The following GSN variants were observed in gnomAD, a reference collection of about 807,000 sequenced individuals.
GSN encodes gelsolin.
Under a neutral mutation model 85.7 loss-of-function variants are expected in GSN, and 56 were observed. The ratio of observed to expected loss-of-function variants is 0.65; its 90% CI spans 0.53 to 0.82. GSN has a LOEUF of 0.82. Among genes scored for constraint, GSN ranks in the 40% least tolerant of loss-of-function variants. GSN has a pLI of 0.00. For synonymous variants in GSN, 373 were observed against 399.1 expected, an observed-to-expected ratio of 0.93 and a Z score of 0.78; for missense variants, 857 against 979.8, an observed-to-expected ratio of 0.87 and a Z score of 1.67.
Position 121,310,862 on chromosome 9 carries a change from T to C in GSN, c.513+17T>C, listed in dbSNP as rs754914471. ...CTGGGCAACGTGAGTCCTGCTTTCC[T>C]CTTTCCCAGGAGCCACTGAGGTGCT... On this transcript the variant is annotated intron_variant, in intron 5 of 17. Coordinates refer to ENST00000432226, the MANE Select transcript of GSN (RefSeq NM_198252.3). 5.0e-6 allele frequency: 8 copies of C among 1,613,118 alleles called. No homozygotes were observed. The highest frequency in any genetic ancestry group is 1.7e-5 in the Admixed American group (1 of 59,972).
At chr9:121,251,701 G>A (rs556797994) in intron 6 of GSN, among the ~76,000 whole-genome samples, 95 of 152,202 alleles carry the variant, frequency 6.2e-4, no homozygotes, top group African/African-American at 2.1e-3. Context: ...GCTCACACCT[G>A]TAATCCCAGC....
At chr9:121,309,262 C>T (rs1304582365) in intron 4 of GSN, 1 of 152,230 alleles carries the variant, frequency 6.6e-6, no homozygotes, top group East Asian at 1.9e-4. Flanking sequence ...CACAGGAAAG[C>T]CCAGCTGACT....
Position 121,329,035 on chromosome 9 carries a change from A to C in GSN, c.1887+20A>C. On this transcript the variant is annotated intron_variant, in intron 15 of 17. Coordinates refer to ENST00000432226, the MANE Select transcript of GSN (RefSeq NM_198252.3). This position sits in a 1 kb window ranked among gnomAD's most constrained non-coding sequence, Gnocchi z 4.6. Reference sequence around the variant, plus strand: ...TTTGTGGTGAGCCCCTGCGGAGGTCACACCTCTGCTTTCCCCTCGGGAGGC... The same window carrying C: ...TTTGTGGTGAGCCCCTGCGGAGGTCCCACCTCTGCTTTCCCCTCGGGAGGC... The C allele has an allele frequency of 6.2e-7, 1 of 1,612,808 alleles. No homozygotes were observed. The highest frequency in any genetic ancestry group is 8.5e-7 in the Non-Finnish European group (1 of 1,179,708).
intron 5 of GSN, among the ~76,000 whole-genome samples, chr9:121,247,670 C>A (rs78482925): frequency 7.9e-4 from 120 of 152,288 alleles, no homozygotes; most frequent in Non-Finnish European, 1.5e-3. Context: ...TCATTTGAAT[C>A]AGGAGGAAAA....
intron 4 of GSN, 27 bp from the exon 5 acceptor site, chr9:121,310,657 G>T (rs2133428297): frequency 3.7e-6 from 6 of 1,613,028 alleles, no homozygotes; most frequent in East Asian, 4.5e-5. Context: ...TCTCCCCTGG[G>T]CTAATGCTGT....
intron 6 of GSN, among the ~76,000 whole-genome samples, chr9:121,251,354 A>G (rs186744354): frequency 6.6e-6 from 1 of 150,536 alleles, no homozygotes; most frequent in Admixed American, 6.6e-5. Context: ...GCTAATTTTT[A>G]ATTTTTAATT....
chr9:121,218,031 C>G (rs925194838), intron 4 of GSN, among the ~76,000 whole-genome samples: 1 of 151,980 alleles, frequency 6.6e-6, no homozygotes, highest in African/African-American at 2.4e-5. Context: ...CTTATTCATT[C>G]TTTTTATGTA....
chr9:121,303,605 G>T (rs1275372849), intron 4 of GSN, among the ~76,000 whole-genome samples: 2 of 151,988 alleles, frequency 1.3e-5, no homozygotes, highest in African/African-American at 4.8e-5. Flanking sequence ...GGCCAAACTG[G>T]GAGCTCCAAG....
intron 5 of GSN, chr9:121,239,786 T>A (rs1007518250): frequency 3.9e-6 from 1 of 257,202 alleles, no homozygotes; most frequent in African/African-American, 2.3e-5. Context: ...ATATCCCCAG[T>A]CCCTTGAAAT....
At chr9:121,237,612 C>T (rs368569417) in intron 5 of GSN, among the ~76,000 whole-genome samples, 13 of 152,260 alleles carry the variant, frequency 8.5e-5, no homozygotes, top group African/African-American at 3.1e-4. Flanking sequence ...TTGCTTAGAG[C>T]AGCAGCACAG....
chr9:121,328,770 G>A, intron 14 of GSN, 121 bp from the exon 15 acceptor site: 2 of 1,049,562 alleles, frequency 1.9e-6, no homozygotes, highest in Non-Finnish European at 2.9e-6. Flanking sequence ...GGATTTTTAG[G>A]ATGGAGGGAG....
At chr9:121,251,588 A>G (rs2054837476) in intron 6 of GSN, among the ~76,000 whole-genome samples, 1 of 152,144 alleles carries the variant, frequency 6.6e-6, no homozygotes, top group Non-Finnish European at 1.5e-5. Flanking sequence ...TATCACCTCT[A>G]AACATTGAAA....
chr9:121,315,525 A>T (rs554823388), intron 7 of GSN, among the ~76,000 whole-genome samples: 148 of 152,194 alleles, frequency 9.7e-4, no homozygotes, highest in African/African-American at 3.4e-3. Flanking sequence ...GCACTTTGAG[A>T]GGCCGAGGTA....
intron 5 of GSN, chr9:121,311,521 C>T (rs2061141213): frequency 6.4e-6 from 1 of 155,742 alleles, no homozygotes; most frequent in South Asian, 2.0e-4. Flanking sequence ...GAGTGTACAG[C>T]TTGATGGATT....
Position 121,329,167 on chromosome 9 carries a change from A to AG in GSN, c.1888-66dup, listed in dbSNP as rs2063604938. 2.1e-6 allele frequency: 3 copies of AG among 1,459,178 alleles called. No individual in the cohort carries two copies. The highest frequency in any genetic ancestry group is 1.7e-4 in the Middle Eastern group (1 of 5,786). 90.4% of individuals were successfully genotyped at this position (1,459,178 alleles called of 1,614,324 possible). A position where few individuals can be genotyped will look rare whatever the true frequency, so the allele number is the denominator to read the frequency against. ...CTGCAGCCAGCTGTGCCACTCCCTC[A>AG]GGGGGCAGATAAAGGAAGGCCACCC... is the stretch of plus-strand genomic sequence containing the variant. On this transcript the variant is annotated intron_variant, in intron 15 of 17. Transcript: ENST00000432226. The surrounding 1 kb of genome is among the most constrained non-coding windows in gnomAD (Gnocchi z 4.6).
chr9:121,282,677 A>G, intron 2 of GSN: 1 of 441,780 alleles, frequency 2.3e-6, no homozygotes, highest in Non-Finnish European at 4.0e-6. Flanking sequence ...GCTGACAAAG[A>G]GGTAGCCCTA....
Position 121,318,779 on chromosome 9 carries a change from G to C in GSN, c.1090G>C (p.Ala364Pro). Residue 364 changes from alanine (A) to proline (P), a missense_variant, in exon 10 of 18, where the codon GCC becomes CCC. Transcript: ENST00000432226. This position sits in a 1 kb window ranked among gnomAD's most constrained non-coding sequence, Gnocchi z 4.3. ...LGLSYLSSHI[A>P]NVERVPFDAA... Reference sequence around the variant, plus strand: ...CTTGTCCTACCTTTCCAGCCATATCGCCAACGTGGAGCGGGTGCCCTTCGA... The same window carrying C: ...CTTGTCCTACCTTTCCAGCCATATCCCCAACGTGGAGCGGGTGCCCTTCGA... 1 of 1,614,050 alleles carries C rather than the reference G, an allele frequency of 6.2e-7. No individual in the cohort carries two copies. The highest frequency in any genetic ancestry group is 8.5e-7 in the Non-Finnish European group (1 of 1,179,982).
intron 4 of GSN, among the ~76,000 whole-genome samples, chr9:121,225,844 G>A (rs546844437): frequency 6.6e-5 from 10 of 152,250 alleles, no homozygotes; most frequent in South Asian, 2.1e-4. Flanking sequence ...TCACTCTGCT[G>A]CCCAGGCTGG....
rs758473284 is a variant in GSN, at chr9:121,327,493, G to A, written c.1762+11G>A. ...AAGGCAGCGAGCCAGGTAGGAGCCG[G>A]GGTGGGGGGCCTGCTGCTGTCCGGA... is the stretch of plus-strand genomic sequence containing the variant. On this transcript the variant is annotated intron_variant, in intron 14 of 17. Coordinates refer to ENST00000432226, the MANE Select transcript of GSN (RefSeq NM_198252.3). The A allele has an allele frequency of 6.4e-5, 99 of 1,554,004 alleles. No homozygotes were observed. The African/African-American group carries it at 1.0e-3, about 16-fold the overall frequency.
Sources: gnomAD v4.1 joint callset for allele counts (sites outside exome capture counted in the v4.1 genomes callset) on GRCh38, gnomAD v4.1.1 for gene constraint, Gnocchi (gnomAD v3.1) non-coding constraint, MANE v1.5 for transcripts, NCBI Gene and HGNC (gene_info 2026-07-23, HGNC 2026-07-21) for gene names.